The following THSD7B variants were observed in gnomAD, a reference collection of about 807,000 sequenced individuals.
THSD7B encodes the protein thrombospondin type-1 domain-containing protein 7B.
In THSD7B, 138 loss-of-function variants were observed where a neutral mutation model predicts 213.6. The ratio of observed to expected loss-of-function variants is 0.65; its 90% CI spans 0.56 to 0.74. The LOEUF is 0.74. Among genes scored for constraint, THSD7B ranks in the 30% least tolerant of loss-of-function variants. The probability of loss-of-function intolerance (pLI) is 0.00; values close to 1 mark genes in which losing one functional copy is unlikely to be tolerated. For missense variants in THSD7B, 1,931 were observed against 1,991.5 expected, an observed-to-expected ratio of 0.97 and a Z score of 0.58; for synonymous variants, 742 against 687.0, an observed-to-expected ratio of 1.08 and a Z score of -1.25.
rs1266142851 is a variant in THSD7B, at chr2:137,275,441, T to C, written c.2397-482T>C. 2.6e-5 allele frequency among the ~76,000 whole-genome samples: 4 copies of C among 152,136 alleles called. No individual in the cohort carries two copies. In the South Asian group the frequency reaches 8.3e-4, roughly 32 times the overall value. On this transcript the variant is annotated intron_variant, in intron 11 of 27. Transcript: ENST00000409968. ...TAAAAATTTTGAAGCAGAAGATTAA[T>C]GTGAAGTTTGTACCTCAAGCTTACA...
intron 20 of THSD7B, among the ~76,000 whole-genome samples, chr2:137,628,633 A>C (rs1227631364): frequency 1.3e-5 from 2 of 152,198 alleles, no homozygotes; most frequent in Non-Finnish European, 2.9e-5. Flanking sequence ...TGGATATCCC[A>C]CTGCCATAAG....
At chr2:136,789,084 G>T (rs1681916804) in intron 1 of THSD7B, among the ~76,000 whole-genome samples, 2 of 152,026 alleles carry the variant, frequency 1.3e-5, no homozygotes, top group African/African-American at 4.8e-5. Flanking sequence ...TACAAAATTA[G>T]GTTCTTGGAG....
At chr2:137,062,147 C>A (rs1209383623) in intron 3 of THSD7B, among the ~76,000 whole-genome samples, 1 of 151,566 alleles carries the variant, frequency 6.6e-6, no homozygotes, top group Non-Finnish European at 1.5e-5. Flanking sequence ...TTCATAATAT[C>A]CCTTTTTCCT....
chr2:136,920,310 T>C (rs2105033480), intron 2 of THSD7B, among the ~76,000 whole-genome samples: 1 of 152,296 alleles, frequency 6.6e-6, no homozygotes, highest in East Asian at 1.9e-4. Context: ...CTGATGAGTG[T>C]CCAGCTCTCA....
At chr2:137,639,865 G>A (rs897979985) in intron 20 of THSD7B, among the ~76,000 whole-genome samples, 18 of 152,080 alleles carry the variant, frequency 1.2e-4, no homozygotes, top group African/African-American at 3.9e-4. Context: ...TACCTGTGCC[G>A]GTATGTATTG....
intron 15 of THSD7B, among the ~76,000 whole-genome samples, chr2:137,559,932 T>C (rs1681072056): frequency 6.6e-6 from 1 of 152,140 alleles, no homozygotes; most frequent in Non-Finnish European, 1.5e-5. Flanking sequence ...AAAGAAGACA[T>C]TTATCCAGCC....
At chr2:137,648,967 G>T (rs1683088585) in intron 21 of THSD7B, among the ~76,000 whole-genome samples, 2 of 152,116 alleles carry the variant, frequency 1.3e-5, no homozygotes, top group Admixed American at 1.3e-4. Flanking sequence ...CATTTTAGCT[G>T]GGGTAAGATG....
At chr2:136,937,669 A>G (rs992023221) in intron 2 of THSD7B, among the ~76,000 whole-genome samples, 2 of 152,176 alleles carry the variant, frequency 1.3e-5, no homozygotes, top group African/African-American at 4.8e-5. Flanking sequence ...ATTAATATTA[A>G]CTGTCATTTC....
intron 1 of THSD7B, among the ~76,000 whole-genome samples, chr2:136,788,062 G>T (rs1227326889): frequency 1.2e-4 from 19 of 152,182 alleles, no homozygotes; most frequent in Admixed American, 1.0e-3. Context: ...TATAAGGCAG[G>T]ATCGTGTTGA....
In THSD7B at chr2:137,396,203, TA is replaced by T. The variant is rs1257904279; in HGVS notation, c.2501-9409del. 1.8e-4 allele frequency among the ~76,000 whole-genome samples: 25 copies of T among 141,660 alleles called. No homozygotes were observed. In the South Asian group the frequency reaches 3.7e-3, roughly 21 times the overall value. The allele number at this position is 141,660 out of a possible 152,430, so 92.9% of individuals were successfully genotyped here. ...ATTTTAGTTATTTCTTGCCTTCTGC[TA>T]GCTTTTGAATGTGTTTGCTCTTGCT... On this transcript the variant is annotated intron_variant, in intron 12 of 27. Transcript: ENST00000409968.
intron 3 of THSD7B, among the ~76,000 whole-genome samples, chr2:137,074,111 C>T (rs1687563935): frequency 1.3e-5 from 2 of 150,556 alleles, no homozygotes; most frequent in African/African-American, 2.5e-5. Flanking sequence ...CCGCTTGGTA[C>T]AGAGCTGAGT....
intron 1 of THSD7B, among the ~76,000 whole-genome samples, chr2:136,782,458 C>A (rs1029611024): frequency 3.3e-5 from 5 of 152,210 alleles, no homozygotes; most frequent in African/African-American, 1.2e-4. Context: ...GAGTACCCAT[C>A]TTAAATTCCC....
intron 4 of THSD7B, among the ~76,000 whole-genome samples, chr2:137,096,476 T>C (rs1212038741): frequency 6.6e-6 from 1 of 152,174 alleles, no homozygotes; most frequent in East Asian, 1.9e-4. Context: ...CTAGTGTTGA[T>C]TGAACACAGT....
chr2:137,672,742 A>T (rs1005505273), intron 27 of THSD7B, among the ~76,000 whole-genome samples: 1 of 152,242 alleles, frequency 6.6e-6, no homozygotes, highest in African/African-American at 2.4e-5. Context: ...AGATGAAAGC[A>T]ATTTATAGTA....
intron 2 of THSD7B, among the ~76,000 whole-genome samples, chr2:136,940,920 T>C (rs1404796601): frequency 1.3e-5 from 2 of 151,366 alleles, no homozygotes; most frequent in Admixed American, 6.6e-5. Flanking sequence ...GTTTGTTACA[T>C]GGGTATACAT....
chr2:137,033,631 G>C (rs1426694126), intron 2 of THSD7B, among the ~76,000 whole-genome samples: 1 of 151,138 alleles, frequency 6.6e-6, no homozygotes, highest in African/African-American at 2.4e-5. Context: ...TTTATTTTTT[G>C]AGTCAGAGTC....
chr2:137,555,891 C>T (rs541327900), intron 15 of THSD7B, among the ~76,000 whole-genome samples: 85 of 152,114 alleles, frequency 5.6e-4, no homozygotes, highest in Admixed American at 1.6e-3. Flanking sequence ...AACTACGTGA[C>T]GAATGCACAA....
chr2:136,815,764 A>G (rs1027297651), intron 1 of THSD7B, among the ~76,000 whole-genome samples: 1 of 152,236 alleles, frequency 6.6e-6, no homozygotes, highest in African/African-American at 2.4e-5. Context: ...AAGATCCAGG[A>G]TATGTCAAAA....
chr2:136,996,627 T>C (rs1685896449), intron 2 of THSD7B, among the ~76,000 whole-genome samples: 1 of 152,206 alleles, frequency 6.6e-6, no homozygotes, highest in South Asian at 2.1e-4. Context: ...ATTACAGGCG[T>C]GAGTCACTGC....
Sources: gnomAD v4.1 joint callset for allele counts (sites outside exome capture counted in the v4.1 genomes callset) on GRCh38, gnomAD v4.1.1 for gene constraint, MANE v1.5 for transcripts, NCBI Gene and HGNC (gene_info 2026-07-23, HGNC 2026-07-21) for gene names.